Variants in LRFN2 observed in about 807,000 individuals in gnomAD.
The protein encoded by LRFN2 is leucine-rich repeat and fibronectin type-III domain-containing protein 2.
Under a neutral mutation model 37.3 loss-of-function variants are expected in LRFN2, and 18 were observed. The observed-to-expected ratio is 0.48, with a 90% CI of 0.33 to 0.72. The LOEUF (loss-of-function observed/expected upper bound fraction) is 0.72. LRFN2 is among the 30% of genes least tolerant of loss of function. The probability of loss-of-function intolerance (pLI) is 0.02; values close to 1 mark genes in which losing one functional copy is unlikely to be tolerated. For synonymous variants in LRFN2, 556 were observed against 466.6 expected (o/e 1.19, Z -2.47); for missense variants, 1,006 against 1,060.7 (o/e 0.95, Z 0.72).
intron 1 of LRFN2, among the ~76,000 whole-genome samples, chr6:40,489,421 GA>G (rs1236586664): frequency 6.6e-6 from 1 of 152,204 alleles, no homozygotes; most frequent in Non-Finnish European, 1.5e-5. Context: ...AGAAGAGGCA[GA>G]GGCACCTGCA....
intron 2 of LRFN2, among the ~76,000 whole-genome samples, chr6:40,409,501 T>C (rs1051514987): frequency 6.6e-6 from 1 of 152,196 alleles, no homozygotes; most frequent in South Asian, 2.1e-4. Context: ...GAAGCCATGA[T>C]GATGTTTGCA....
intron 1 of LRFN2, among the ~76,000 whole-genome samples, chr6:40,480,801 T>C (rs902303175): frequency 6.6e-6 from 1 of 152,172 alleles, no homozygotes; most frequent in Non-Finnish European, 1.5e-5. Flanking sequence ...ATGTCGCATA[T>C]GGGGCCAGGT....
chr6:40,585,989 C>T (rs1767495384), intron 1 of LRFN2, among the ~76,000 whole-genome samples: 1 of 152,192 alleles, frequency 6.6e-6, no homozygotes, highest in South Asian at 2.1e-4. Flanking sequence ...CCGTCTGCAG[C>T]TGTCTGCTGT....
intron 1 of LRFN2, among the ~76,000 whole-genome samples, chr6:40,450,108 GAC>G (rs1764069963): frequency 6.6e-6 from 1 of 152,220 alleles, no homozygotes; most frequent in South Asian, 2.1e-4. Flanking sequence ...AACAGAGAGA[GAC>G]ACAGGACTAC....
intron 1 of LRFN2, among the ~76,000 whole-genome samples, chr6:40,560,766 AT>A (rs1766978798): frequency 6.6e-6 from 1 of 152,232 alleles, no homozygotes; most frequent in Admixed American, 6.5e-5. Context: ...ACATCATGTC[AT>A]AGTATATCTG....
rs186398236 is a variant in LRFN2, at chr6:40,416,289, G to A, written c.1400+15425C>T. 4.6e-3 allele frequency among the ~76,000 whole-genome samples: 698 copies of A among 152,356 alleles called. 4 individuals are homozygous for A. The highest frequency in any genetic ancestry group is 0.016 in the African/African-American group (657 of 41,590). On this transcript the variant is annotated intron_variant, in intron 2 of 2. Transcript: ENST00000338305. ...CTCCCAAAGTGCTGGGATTACAGGCGTGAGCCACCATGTCCGGCCAATGAG... is the reference window on the plus strand; with the variant it reads ...CTCCCAAAGTGCTGGGATTACAGGCATGAGCCACCATGTCCGGCCAATGAG...
At chr6:40,491,084 G>A (rs1044191607) in intron 1 of LRFN2, among the ~76,000 whole-genome samples, 5 of 152,184 alleles carry the variant, frequency 3.3e-5, no homozygotes, top group Non-Finnish European at 7.3e-5. Flanking sequence ...GTCACGTAGG[G>A]TCTTGCAGGT....
intron 1 of LRFN2, among the ~76,000 whole-genome samples, chr6:40,500,689 T>C (rs1308023880): frequency 1.3e-5 from 2 of 152,256 alleles, no homozygotes; most frequent in Non-Finnish European, 2.9e-5. Context: ...ATCCAAACAG[T>C]GCACTGGACT....
chr6:40,435,415 C>T (rs1763643011), intron 1 of LRFN2, among the ~76,000 whole-genome samples: 1 of 152,134 alleles, frequency 6.6e-6, no homozygotes, highest in South Asian at 2.1e-4. Flanking sequence ...CTGCTTCAGC[C>T]TCCCCAAATG....
intron 1 of LRFN2, among the ~76,000 whole-genome samples, chr6:40,476,730 C>A (rs1449094262): frequency 6.6e-6 from 1 of 152,256 alleles, no homozygotes; most frequent in East Asian, 1.9e-4. Flanking sequence ...CAATGCCTTC[C>A]TCTCATCGTC....
chr6:40,477,711 C>T (rs964377681), intron 1 of LRFN2, among the ~76,000 whole-genome samples: 3 of 152,104 alleles, frequency 2.0e-5, no homozygotes, highest in Non-Finnish European at 4.4e-5. Flanking sequence ...ACATCCTGTC[C>T]CACTTGTCTC....
intron 1 of LRFN2, among the ~76,000 whole-genome samples, chr6:40,475,802 GTCTACCCTTCC>G (rs775197574): frequency 2.0e-5 from 3 of 152,126 alleles, no homozygotes; most frequent in Non-Finnish European, 4.4e-5. Context: ...TGTGAGATGG[GTCTACCCTTCC>G]CAGGTTACAG....
At position 40,482,789 on chromosome 6, in the gene LRFN2, T is replaced by G. The variant is rs536445954; in HGVS notation, c.-18-49658A>C. On this transcript the variant is annotated intron_variant, in intron 1 of 2. Coordinates refer to ENST00000338305, the MANE Select transcript of LRFN2 (RefSeq NM_020737.3). Reference sequence around the variant, plus strand: ...CCCTCCTGGCCAGGCCAGCTTTCTTTGGGATGGCTCAGGCTGGAGTGGAGG... The same window carrying G: ...CCCTCCTGGCCAGGCCAGCTTTCTTGGGGATGGCTCAGGCTGGAGTGGAGG... Among the ~76,000 whole-genome samples the G allele has an allele frequency of 2.4e-3, 358 of 152,260 alleles. 2 individuals are homozygous for G. Among genetic ancestry groups the G allele is most frequent in the African/African-American group, 7.6e-3 (317 of 41,560 alleles).
chr6:40,443,067 C>T lies in LRFN2; in HGVS notation c.-18-9936G>A, dbSNP rs914463859. Among the ~76,000 whole-genome samples the T allele has an allele frequency of 7.9e-5, 12 of 152,234 alleles. 1 individual carries two copies. Among genetic ancestry groups the T allele is most frequent in the Admixed American group, 2.6e-4 (4 of 15,294 alleles). ...AAAATCAAATTTCCTTCCTGAAGGG[C>T]GTTTGTGTTTCATTTGCCTGTTTGT... is the stretch of plus-strand genomic sequence containing the variant. On this transcript the variant is annotated intron_variant, in intron 1 of 2. Transcript: ENST00000338305.
chr6:40,493,751 GGCCTCACCTC>G (rs1765153965), intron 1 of LRFN2, among the ~76,000 whole-genome samples: 1 of 152,182 alleles, frequency 6.6e-6, no homozygotes, highest in African/African-American at 2.4e-5. Context: ...CCTGGATGCT[GGCCTCACCTC>G]CAGACACTAA....
At chr6:40,582,060 A>G (rs1767414794) in intron 1 of LRFN2, among the ~76,000 whole-genome samples, 1 of 152,188 alleles carries the variant, frequency 6.6e-6, no homozygotes, top group South Asian at 2.1e-4. Context: ...AGAAGAAATG[A>G]GAGGGCCAAA....
At chr6:40,462,956 G>A (rs1038064382) in intron 1 of LRFN2, among the ~76,000 whole-genome samples, 1 of 152,212 alleles carries the variant, frequency 6.6e-6, no homozygotes, top group Admixed American at 6.5e-5. Context: ...ATGTGGCCAA[G>A]TTCTGGCCAA....
chr6:40,403,805 A>C (rs1445334951), intron 2 of LRFN2, among the ~76,000 whole-genome samples: 2 of 152,156 alleles, frequency 1.3e-5, no homozygotes, highest in Non-Finnish European at 2.9e-5. Flanking sequence ...TTCTCTGCTC[A>C]ACCCTGCTCC....
intron 1 of LRFN2, among the ~76,000 whole-genome samples, chr6:40,470,974 C>T (rs1581731056): frequency 6.6e-6 from 1 of 152,154 alleles, no homozygotes; most frequent in Non-Finnish European, 1.5e-5. Context: ...GTGGCAGGGT[C>T]ACACCCAACC....
Sources: allele counts gnomAD v4.1 joint callset (sites outside exome capture counted in the v4.1 genomes callset), GRCh38; gene constraint gnomAD v4.1.1; transcripts MANE v1.5; gene names NCBI Gene and HGNC (gene_info 2026-07-23, HGNC 2026-07-21).